The following GLDC variants were observed in gnomAD, a reference collection of about 807,000 sequenced individuals.
GLDC encodes glycine decarboxylase.
GLDC carries 104 observed loss-of-function variants against 121.3 expected under a neutral mutation model. That is an observed-to-expected ratio of 0.86 (90% CI 0.73 to 1.01). The LOEUF is 1.01. GLDC is among the 50% of genes least tolerant of loss of function. The pLI is 0.00. For missense variants in GLDC, 1,429 were observed against 1,306.6 expected (o/e 1.09, Z -1.44); for synonymous variants, 546 against 480.6 (o/e 1.14, Z -1.78).
At chr9:6,578,481 C>G (rs1035152818) in intron 15 of GLDC, among the ~76,000 whole-genome samples, 7 of 152,122 alleles carry the variant, frequency 4.6e-5, no homozygotes, top group Non-Finnish European at 8.8e-5. Context: ...GTTTTAGCTA[C>G]AGCCCGTGAT....
chr9:6,580,198 C>T (rs966601352), intron 15 of GLDC, among the ~76,000 whole-genome samples: 1 of 152,182 alleles, frequency 6.6e-6, no homozygotes, highest in African/African-American at 2.4e-5. Flanking sequence ...CCAAAGAACT[C>T]TTACCCTCAC....
At position 6,602,074 on chromosome 9, in the gene GLDC, A is replaced by T. The variant is rs1818621808; in HGVS notation, c.1155+35T>A. On this transcript the variant is annotated intron_variant, in intron 8 of 24. Coordinates refer to ENST00000321612, the MANE Select transcript of GLDC (RefSeq NM_000170.3). ...GAGTAGCTCATTTCTGTGTATCGTA[A>T]GGCATTCAGTAGTCAGGTCAGACGT... is the stretch of plus-strand genomic sequence containing the variant. The T allele has an allele frequency of 2.5e-6, 3 of 1,189,146 alleles. No homozygotes were observed. The Admixed American group carries it at 5.0e-5, about 20-fold the overall frequency. The allele number at this position is 1,189,146 out of a possible 1,614,324, so 73.7% of individuals were successfully genotyped here.
At chr9:6,622,321 T>C (rs189761468) in intron 2 of GLDC, among the ~76,000 whole-genome samples, 4,953 of 150,186 alleles carry the variant, frequency 0.033, 100 homozygotes, top group African/African-American at 0.056. Flanking sequence ...GCTGCCATCT[T>C]GGCTCACTGC....
rs2130031690 is a variant in GLDC at position 6,645,248 on chromosome 9, CA to C, written c.251del (p.Leu84ArgfsTer7). On this transcript the variant is annotated frameshift_variant, in exon 1 of 25. Coordinates refer to ENST00000321612, the MANE Select transcript of GLDC (RefSeq NM_000170.3). LOFTEE classifies it high-confidence loss of function. ...DQREMLQTLG[L>X]ASIDELIEKT... ...AGGGCCGGGTGGAGGTCCTTACCGC[CA>C]GCCCCAAGGTCTGCAGCATCTCTCT... 1 of 1,593,424 alleles carries C rather than the reference CA, an allele frequency of 6.3e-7. No individual in the cohort carries two copies. The highest frequency in any genetic ancestry group is 8.5e-7 in the Non-Finnish European group (1 of 1,169,912).
chr9:6,565,774 C>A, intron 15 of GLDC: 1 of 519,452 alleles, frequency 1.9e-6, no homozygotes, highest in Non-Finnish European at 3.4e-6. Context: ...AAAGGAACTA[C>A]GACGTGTGTG....
chr9:6,635,948 C>T (rs1005919316), intron 2 of GLDC, among the ~76,000 whole-genome samples: 1 of 152,004 alleles, frequency 6.6e-6, no homozygotes, highest in South Asian at 2.1e-4. Context: ...AGATGTTATA[C>T]TACAGTTGTC....
chr9:6,578,870 G>T (rs1172516457), intron 15 of GLDC, among the ~76,000 whole-genome samples: 4 of 152,070 alleles, frequency 2.6e-5, no homozygotes. Context: ...ATTCCTCTTT[G>T]TTCCACTGGT....
chr9:6,599,718 C>T (rs928804248), intron 8 of GLDC, among the ~76,000 whole-genome samples: 1 of 99,438 alleles, frequency 1.0e-5, no homozygotes, highest in African/African-American at 3.9e-5. Context: ...AAGACTCCAT[C>T]TCAAAAAAAA....
intron 2 of GLDC, among the ~76,000 whole-genome samples, chr9:6,638,306 T>A (rs1819551279): frequency 6.6e-6 from 1 of 152,062 alleles, no homozygotes; most frequent in African/African-American, 2.4e-5. Flanking sequence ...CCTTCCGGGT[T>A]CAAGCGATTC....
At chr9:6,547,816 A>T (rs890579535) in intron 21 of GLDC, among the ~76,000 whole-genome samples, 1 of 152,180 alleles carries the variant, frequency 6.6e-6, no homozygotes. Flanking sequence ...CATAATATAC[A>T]TTTAAAAAAT....
intron 16 of GLDC, among the ~76,000 whole-genome samples, chr9:6,562,950 T>C (rs1372144424): frequency 6.6e-6 from 1 of 152,200 alleles, no homozygotes; most frequent in African/African-American, 2.4e-5. Context: ...AGGGCTTCCC[T>C]GCCTCTCCCT....
At chr9:6,605,047 A>T in intron 6 of GLDC, 84 bp downstream of exon 6, 1 of 1,301,664 alleles carries the variant, frequency 7.7e-7, no homozygotes, top group Non-Finnish European at 1.1e-6. Context: ...ATTAAGGCAC[A>T]TGAAAAGACA....
intron 3 of GLDC, among the ~76,000 whole-genome samples, chr9:6,610,896 G>T (rs1818837966): frequency 6.6e-6 from 1 of 152,218 alleles, no homozygotes; most frequent in African/African-American, 2.4e-5. Flanking sequence ...CACTGCACTT[G>T]AGGCTACCTA....
intron 7 of GLDC, 114 bp downstream of exon 7, chr9:6,604,474 C>G: frequency 3.1e-6 from 3 of 957,948 alleles, no homozygotes; most frequent in Non-Finnish European, 5.0e-6. Context: ...TGTACATTTC[C>G]TTAACTGACT....
intron 5 of GLDC, 43 bp from the exon 6 acceptor site, chr9:6,605,321 T>C (rs1587960727): frequency 6.3e-7 from 1 of 1,599,860 alleles, no homozygotes; most frequent in Non-Finnish European, 8.6e-7. Flanking sequence ...TTTCGGTTTA[T>C]AAGGGAAAAT....
chr9:6,540,115 C>T lies in GLDC; in HGVS notation c.2601G>A (p.Thr867=), dbSNP rs371678175. The part of the protein sequence containing the change: ...GYVGHEFILD[T]RPFKKSANIE... The stretch of plus-strand genomic sequence containing the variant: ...TATTTGCAGACTTTTTGAAGGGTCT[C>T]GTGTCCAAAATAAATTCATGACCCA... The change falls in exon 22 of 25, where the codon ACG becomes ACA. Residue 867 remains threonine (T), a synonymous_variant. Transcript: ENST00000321612. 2.5e-5 allele frequency: 41 copies of T among 1,612,812 alleles called. No homozygotes were observed. The highest frequency in any genetic ancestry group is 3.0e-5 in the Non-Finnish European group (35 of 1,178,958).
At chr9:6,632,514 C>G (rs1819405062) in intron 2 of GLDC, among the ~76,000 whole-genome samples, 1 of 152,210 alleles carries the variant, frequency 6.6e-6, no homozygotes, top group South Asian at 2.1e-4. Context: ...GTAAAGCAAA[C>G]TTGAGTCAAA....
At chr9:6,643,102 T>C (rs1001181845) in intron 2 of GLDC, among the ~76,000 whole-genome samples, 1 of 152,052 alleles carries the variant, frequency 6.6e-6, no homozygotes, top group African/African-American at 2.4e-5. Context: ...CTCGCAATAT[T>C]GCCCAAACTG....
intron 4 of GLDC, among the ~76,000 whole-genome samples, chr9:6,609,739 C>G (rs1024833373): frequency 3.3e-5 from 5 of 151,820 alleles, no homozygotes; most frequent in African/African-American, 1.2e-4. Context: ...GGTCACATTT[C>G]CACCCTAGCC....
Sources: allele counts gnomAD v4.1 joint callset (sites outside exome capture counted in the v4.1 genomes callset), GRCh38; gene constraint gnomAD v4.1.1; transcripts MANE v1.5; gene names NCBI Gene and HGNC (gene_info 2026-07-23, HGNC 2026-07-21).